Variants in FARS2 observed in about 807,000 individuals in gnomAD.
FARS2 encodes phenylalanine--tRNA ligase, mitochondrial.
FARS2 carries 40 observed loss-of-function variants against 46.4 expected under a neutral mutation model. That is an observed-to-expected ratio of 0.86 (90% CI 0.67 to 1.12). The LOEUF is 1.12. Ranked by LOEUF, FARS2 falls within the 50% of genes most tolerant of loss-of-function variation. The pLI, the probability that FARS2 is intolerant of heterozygous loss-of-function variation, is 0.00. For synonymous variants in FARS2, 234 were observed against 214.9 expected (o/e 1.09, Z -0.78); for missense variants, 513 against 567.9 (o/e 0.90, Z 0.98).
intron 6 of FARS2, among the ~76,000 whole-genome samples, chr6:5,712,310 A>G (rs1441784757): frequency 6.6e-6 from 1 of 152,212 alleles, no homozygotes; most frequent in Non-Finnish European, 1.5e-5. Context: ...TTACAAAAAT[A>G]AATCAGGCCA....
At chr6:5,613,132 A>T (rs747909167) in intron 5 of FARS2, 37 bp from the exon 6 acceptor site, 2 of 1,577,322 alleles carry the variant, frequency 1.3e-6, no homozygotes, top group Non-Finnish European at 1.7e-6. Context: ...CATTCAACTA[A>T]CAAGTTCATG....
At chr6:5,291,606 G>A (rs1225606526) in intron 1 of FARS2, among the ~76,000 whole-genome samples, 1 of 152,066 alleles carries the variant, frequency 6.6e-6, no homozygotes, top group Non-Finnish European at 1.5e-5. Context: ...TTTACCCTTA[G>A]AATTAAATAT....
chr6:5,318,580 A>C (rs1474342390), intron 1 of FARS2, among the ~76,000 whole-genome samples: 2 of 152,180 alleles, frequency 1.3e-5, no homozygotes, highest in Non-Finnish European at 2.9e-5. Flanking sequence ...GACAAAAAGC[A>C]CAAACAAAGC....
chr6:5,746,942 T>C (rs1194464869), intron 6 of FARS2, among the ~76,000 whole-genome samples: 1 of 152,142 alleles, frequency 6.6e-6, no homozygotes, highest in African/African-American at 2.4e-5. Context: ...GGAGAGCGTG[T>C]GCAGTTTTAA....
intron 3 of FARS2, among the ~76,000 whole-genome samples, chr6:5,428,777 G>A (rs1367885100): frequency 2.0e-5 from 3 of 152,162 alleles, no homozygotes; most frequent in South Asian, 2.1e-4. Flanking sequence ...GGCTCTGCGT[G>A]TCTGAGCTTC....
chr6:5,270,279 T>C (rs1243453882), intron 1 of FARS2, among the ~76,000 whole-genome samples: 2 of 152,204 alleles, frequency 1.3e-5, no homozygotes, highest in African/African-American at 2.4e-5. Context: ...GACAAGCACA[T>C]GTGCCTGGGC....
chr6:5,550,819 T>C (rs1472570671), intron 5 of FARS2, among the ~76,000 whole-genome samples: 4 of 152,334 alleles, frequency 2.6e-5, no homozygotes, highest in Middle Eastern at 3.4e-3. Context: ...TCTTGAATAA[T>C]TCATTGCTAT....
upstream of FARS2, among the ~76,000 whole-genome samples, chr6:5,260,094 T>G (rs1374910858): frequency 6.6e-6 from 1 of 152,202 alleles, no homozygotes; most frequent in Non-Finnish European, 1.5e-5. Context: ...GCTCCAAAGC[T>G]TGTGAGACCC....
intron 6 of FARS2, among the ~76,000 whole-genome samples, chr6:5,662,466 C>T (rs1263756509): frequency 1.3e-5 from 2 of 152,208 alleles, no homozygotes; most frequent in East Asian, 1.9e-4. Context: ...GCATCAGTCA[C>T]GTTGCCGCTT....
chr6:5,353,910 C>T (rs1264960502), intron 1 of FARS2, among the ~76,000 whole-genome samples: 1 of 149,350 alleles, frequency 6.7e-6, no homozygotes, highest in Non-Finnish European at 1.5e-5. Context: ...GGCAGAAGGA[C>T]AAACCAGGCT....
At chr6:5,406,656 A>G (rs960331069) in intron 3 of FARS2, among the ~76,000 whole-genome samples, 4 of 152,164 alleles carry the variant, frequency 2.6e-5, no homozygotes, top group Admixed American at 6.5e-5. Flanking sequence ...CGATTTGTTT[A>G]TCCATACATT....
At chr6:5,450,960 C>G (rs550713030) in intron 4 of FARS2, among the ~76,000 whole-genome samples, 1 of 152,220 alleles carries the variant, frequency 6.6e-6, no homozygotes, top group African/African-American at 2.4e-5. Context: ...TTTGCCTCAG[C>G]CTCCTTTCAT....
chr6:5,658,879 G>A (rs780656575), intron 6 of FARS2, among the ~76,000 whole-genome samples: 30 of 152,118 alleles, frequency 2.0e-4, no homozygotes, highest in Non-Finnish European at 3.7e-4. Context: ...ATATGTGCTC[G>A]TATCCAATTT....
At chr6:5,334,498 T>C (rs1771020654) in intron 1 of FARS2, among the ~76,000 whole-genome samples, 1 of 152,206 alleles carries the variant, frequency 6.6e-6, no homozygotes, top group African/African-American at 2.4e-5. Context: ...TAAGTAAACA[T>C]GGGCTTTTGT....
chr6:5,577,906 A>G (rs1004076985), intron 5 of FARS2, among the ~76,000 whole-genome samples: 5 of 152,044 alleles, frequency 3.3e-5, no homozygotes, highest in African/African-American at 9.7e-5. Flanking sequence ...GGTTCACGCC[A>G]TTCTCCTGCC....
intron 4 of FARS2, among the ~76,000 whole-genome samples, chr6:5,432,448 AT>A (rs1352850385): frequency 2.3e-5 from 3 of 128,348 alleles, no homozygotes; most frequent in Admixed American, 9.2e-5. Flanking sequence ...AATATATAAA[AT>A]ATATATTATA....
At chr6:5,362,639 AT>A (rs1027546868) in intron 1 of FARS2, among the ~76,000 whole-genome samples, 1 of 152,066 alleles carries the variant, frequency 6.6e-6, no homozygotes, top group Non-Finnish European at 1.5e-5. Flanking sequence ...CTATTTTTAA[AT>A]TTTTTTGAAC....
At chr6:5,503,403 CACAGAGAGAGAG>C (rs1451092441) in intron 4 of FARS2, among the ~76,000 whole-genome samples, 11 of 74,302 alleles carry the variant, frequency 1.5e-4, no homozygotes, top group East Asian at 2.2e-4. Flanking sequence ...CACACACACA[CACAGAGAGAGAG>C]AGAGAGAGAG....
intron 5 of FARS2, among the ~76,000 whole-genome samples, chr6:5,579,990 G>C (rs760718305): frequency 6.6e-6 from 1 of 151,958 alleles, no homozygotes; most frequent in Admixed American, 6.6e-5. Flanking sequence ...AGAACATAGG[G>C]CCTATAGAAA....
Sources: gnomAD v4.1 joint callset for allele counts (sites outside exome capture counted in the v4.1 genomes callset) on GRCh38, gnomAD v4.1.1 for gene constraint, MANE v1.5 for transcripts, NCBI Gene and HGNC (gene_info 2026-07-23, HGNC 2026-07-21) for gene names.